Variants in NEBL observed in about 807,000 individuals in gnomAD.
NEBL encodes the protein LIM and SH3 protein 2.
In NEBL, 122 loss-of-function variants were observed where a neutral mutation model predicts 140.2. That is an observed-to-expected ratio of 0.87 (90% CI 0.75 to 1.01). NEBL has a LOEUF of 1.01. Ranked by LOEUF, NEBL falls within the 50% of genes least tolerant of loss-of-function variation. The probability of loss-of-function intolerance (pLI) is 0.00; values close to 1 mark genes in which losing one functional copy is unlikely to be tolerated. For synonymous variants in NEBL, 436 were observed against 398.9 expected (o/e 1.09, Z -1.11); for missense variants, 1,365 against 1,231.3 (o/e 1.11, Z -1.62).
intron 1 of NEBL, among the ~76,000 whole-genome samples, chr10:21,278,617 T>C (rs1173467636): frequency 1.3e-5 from 2 of 152,176 alleles, no homozygotes; most frequent in African/African-American, 4.8e-5. Flanking sequence ...TTCAGCTGTT[T>C]ACTGTATTAG....
At chr10:20,883,688 A>G (rs901850892) in intron 4 of NEBL, among the ~76,000 whole-genome samples, 2 of 152,222 alleles carry the variant, frequency 1.3e-5, no homozygotes, top group Admixed American at 1.3e-4. Context: ...ACCTACTAAC[A>G]TATACTTGTG....
At chr10:21,126,730 T>C (rs888757592) in intron 2 of NEBL, among the ~76,000 whole-genome samples, 4 of 151,998 alleles carry the variant, frequency 2.6e-5, no homozygotes, top group South Asian at 2.1e-4. Context: ...TCCCAGCACT[T>C]TGGGAGGCCG....
intron 2 of NEBL, among the ~76,000 whole-genome samples, chr10:21,061,493 T>C (rs1409965630): frequency 6.7e-6 from 1 of 148,210 alleles, no homozygotes; most frequent in Non-Finnish European, 1.5e-5. Flanking sequence ...TCATATATGA[T>C]ATATCATATA....
At chr10:21,276,996 G>A (rs907510652) in intron 1 of NEBL, among the ~76,000 whole-genome samples, 1 of 151,832 alleles carries the variant, frequency 6.6e-6, no homozygotes, top group Non-Finnish European at 1.5e-5. Flanking sequence ...AGGTATAGTG[G>A]TGCACACTTG....
chr10:20,964,880 G>T (rs754254377), intron 3 of NEBL, among the ~76,000 whole-genome samples: 8 of 152,152 alleles, frequency 5.3e-5, no homozygotes, highest in Admixed American at 3.9e-4. Flanking sequence ...AGGTTTGCCC[G>T]TTACGTGAGC....
intron 3 of NEBL, among the ~76,000 whole-genome samples, chr10:21,234,008 GAGATAGATAGATAGAT>G (rs35919028): frequency 3.6e-5 from 5 of 139,516 alleles, no homozygotes; most frequent in Non-Finnish European, 7.7e-5. Context: ...AGGAGATTGT[GAGATAGATAGATAGAT>G]AGATAGATAG....
intron 21 of NEBL, among the ~76,000 whole-genome samples, chr10:20,817,379 AG>A (rs1180538682): frequency 6.6e-6 from 1 of 152,148 alleles, no homozygotes; most frequent in Non-Finnish European, 1.5e-5. Flanking sequence ...AAAAACAAAA[AG>A]AAAAAAGTCA....
rs896192429 is a variant in NEBL, at chr10:20,817,684, A to G, written c.2064T>C (p.Tyr688=). Residue 688 remains tyrosine (Y), a synonymous_variant, in exon 21 of 28, where the codon TAT becomes TAC. Coordinates refer to ENST00000377122, the MANE Select transcript of NEBL (RefSeq NM_006393.3). ...RNQEQLSAVK[Y]KGELQRGTAI... is the part of the protein sequence containing the mutation. Reference sequence around the variant, plus strand: ...CAGTTCCCCGTTGAAGTTCTCCCTTATATTTTACCTAAGAAGGATAAATAA... The same window carrying G: ...CAGTTCCCCGTTGAAGTTCTCCCTTGTATTTTACCTAAGAAGGATAAATAA... 6 of 1,611,162 alleles carry G rather than the reference A, an allele frequency of 3.7e-6. No individual in the cohort carries two copies. The African/African-American group carries it at 4.0e-5, about 11-fold the overall frequency.
intron 3 of NEBL, among the ~76,000 whole-genome samples, chr10:21,197,058 A>C (rs992634847): frequency 6.6e-6 from 1 of 152,224 alleles, no homozygotes; most frequent in African/African-American, 2.4e-5. Context: ...ATGAAGATAC[A>C]TTGGCACAGA....
At chr10:21,061,911 C>G (rs1042028599) in intron 2 of NEBL, among the ~76,000 whole-genome samples, 44 of 152,184 alleles carry the variant, frequency 2.9e-4, no homozygotes, top group African/African-American at 9.4e-4. Flanking sequence ...TTTAGGTTAA[C>G]ATAAGCTATA....
At chr10:21,153,428 C>T (rs989867773) in intron 2 of NEBL, among the ~76,000 whole-genome samples, 2 of 152,082 alleles carry the variant, frequency 1.3e-5, no homozygotes, top group African/African-American at 4.8e-5. Flanking sequence ...TCAAGTGATT[C>T]TCCAGCCTCA....
chr10:21,218,998 A>G (rs1842033718), intron 3 of NEBL, among the ~76,000 whole-genome samples: 1 of 152,242 alleles, frequency 6.6e-6, no homozygotes, highest in African/African-American at 2.4e-5. Context: ...TTTTAGGCAG[A>G]AAAGAGGAGA....
At chr10:21,010,551 G>C (rs1297250913) in intron 3 of NEBL, among the ~76,000 whole-genome samples, 1 of 150,866 alleles carries the variant, frequency 6.6e-6, no homozygotes, top group Non-Finnish European at 1.5e-5. Context: ...ACCACACCCA[G>C]CCAAGACCAA....
chr10:21,234,672 C>A (rs1224628622), intron 3 of NEBL, among the ~76,000 whole-genome samples: 1 of 152,160 alleles, frequency 6.6e-6, no homozygotes, highest in Admixed American at 6.5e-5. Flanking sequence ...CACTGCTATC[C>A]ATCTCCCAGA....
Position 21,093,346 on chromosome 10 carries a change from A to C in NEBL, c.165-73145T>G, listed in dbSNP as rs147322727. The stretch of plus-strand genomic sequence containing the variant: ...AGGACCATGAGTTGGACAAAATTTT[A>C]TAGGTGAGAAAAAAAGAAATGGGCT... On this transcript the variant is annotated intron_variant, in intron 2 of 6. Transcript: ENST00000417816. Among the ~76,000 whole-genome samples the C allele has an allele frequency of 8.9e-3, 1,355 of 152,086 alleles. 14 individuals are homozygous for C. The highest frequency in any genetic ancestry group is 0.031 in the African/African-American group (1,281 of 41,450).
chr10:21,279,459 T>C (rs1303401005), intron 1 of NEBL, among the ~76,000 whole-genome samples: 1 of 151,918 alleles, frequency 6.6e-6, no homozygotes, highest in Non-Finnish European at 1.5e-5. Context: ...CTGGCCTATT[T>C]TTTGTTTCAA....
In NEBL at chr10:20,819,447, G is replaced by A. The variant is rs761519235; in HGVS notation, c.2032C>T (p.Arg678Ter). 18 of 1,613,896 alleles carry A rather than the reference G, an allele frequency of 1.1e-5. No individual in the cohort carries two copies. Among genetic ancestry groups the A allele is most frequent in the East Asian group, 4.5e-5 (2 of 44,882 alleles). Residue 678 changes from arginine to a stop codon, truncating the protein, a stop_gained, in exon 20 of 28, where the codon CGA (arginine) becomes TGA (stop). Transcript: ENST00000377122. LOFTEE classifies it high-confidence loss of function. ...GCCGCACTCAGCTGCTCCTGGTTTC[G>A]CCTCACTCTCTCTATCTCCGGGGTC... is the stretch of plus-strand genomic sequence containing the variant. Reference protein sequence around the residue: ...SMTPEIERVRRNQEQLSAVKY... With the variant: ...SMTPEIERVR
chr10:21,124,513 C>A (rs1838723735), intron 2 of NEBL, among the ~76,000 whole-genome samples: 1 of 152,182 alleles, frequency 6.6e-6, no homozygotes, highest in South Asian at 2.1e-4. Context: ...ATGAAACCAA[C>A]CACTTCAGGC....
chr10:20,984,708 T>C (rs1009133019), intron 3 of NEBL, among the ~76,000 whole-genome samples: 2 of 152,042 alleles, frequency 1.3e-5, no homozygotes, highest in African/African-American at 2.4e-5. Flanking sequence ...CTTGGTCTTA[T>C]GCTGTAAAGC....
Sources: allele counts gnomAD v4.1 joint callset (sites outside exome capture counted in the v4.1 genomes callset), GRCh38; gene constraint gnomAD v4.1.1; transcripts MANE v1.5; gene names NCBI Gene and HGNC (gene_info 2026-07-23, HGNC 2026-07-21).